Variants in CLPB observed in about 807,000 individuals in gnomAD.
CLPB encodes ClpB family mitochondrial disaggregase, also known as mitochondrial disaggregase.
Under a neutral mutation model 78.4 loss-of-function variants are expected in CLPB, and 40 were observed. The ratio of observed to expected loss-of-function variants is 0.51; its 90% CI spans 0.40 to 0.66. The LOEUF is 0.66. Among genes scored for constraint, CLPB ranks in the 30% least tolerant of loss-of-function variants. The pLI, the probability that CLPB is intolerant of heterozygous loss-of-function variation, is 0.00. For missense variants in CLPB, 780 were observed against 886.9 expected, an observed-to-expected ratio of 0.88 and a Z score of 1.53; for synonymous variants, 333 against 348.0, an observed-to-expected ratio of 0.96 and a Z score of 0.48.
In CLPB at chr11:72,429,514, G is replaced by T. The variant is rs548608918; in HGVS notation, c.455+798C>A. ...GACTTCCTGTCTAACATGCAGACAT[G>T]ATGGCAAGGAAGGGGGGTGTCCTAT... is the stretch of plus-strand genomic sequence containing the variant. On this transcript the variant is annotated intron_variant, in intron 2 of 15. Coordinates refer to ENST00000538039, the MANE Select transcript of CLPB (RefSeq NM_001258392.3). Among the ~76,000 whole-genome samples the T allele has an allele frequency of 2.0e-5, 3 of 152,318 alleles. No individual in the cohort carries two copies. The South Asian group carries it at 6.2e-4, about 32-fold the overall frequency.
intron 7 of CLPB, among the ~76,000 whole-genome samples, chr11:72,315,301 A>G (rs747131470): frequency 2.6e-5 from 4 of 152,150 alleles, no homozygotes; most frequent in Non-Finnish European, 5.9e-5. Flanking sequence ...CTTTCTGAGG[A>G]GCATGGTGGG....
chr11:72,401,463 T>TAAAAGAA lies in CLPB; in HGVS notation c.542+1496_542+1502dup, dbSNP rs577367717. On this transcript the variant is annotated intron_variant, in intron 3 of 15. Coordinates refer to ENST00000538039, the MANE Select transcript of CLPB (RefSeq NM_001258392.3). ...CTCAAAAAAATAAATAAATAAATAG[T>TAAAAGAA]AAAAGAAAAAAGAAAAAAGAATAGG... 1.9e-4 allele frequency among the ~76,000 whole-genome samples: 28 copies of TAAAAGAA among 151,180 alleles called. 1 individual carries two copies. In the South Asian group the frequency reaches 5.4e-3, roughly 29 times the overall value.
chr11:72,360,551 C>T (rs1364561133), intron 4 of CLPB, among the ~76,000 whole-genome samples: 1 of 152,080 alleles, frequency 6.6e-6, no homozygotes, highest in African/African-American at 2.4e-5. Context: ...GTTTCTCTGC[C>T]TTAGCCTCCC....
intron 6 of CLPB, among the ~76,000 whole-genome samples, chr11:72,319,933 GATA>G (rs1950015283): frequency 6.6e-6 from 1 of 152,196 alleles, no homozygotes; most frequent in Non-Finnish European, 1.5e-5. Flanking sequence ...GAATTCCACA[GATA>G]ATAAGAAGAG....
intron 5 of CLPB, chr11:72,351,494 A>T (rs1452750528): frequency 6.6e-6 from 1 of 152,174 alleles, no homozygotes; most frequent in Non-Finnish European, 1.5e-5. Context: ...TTTTATAGCA[A>T]CTAGTCAGAG....
chr11:72,332,541 G>A (rs1254668876), intron 5 of CLPB, among the ~76,000 whole-genome samples: 1 of 151,896 alleles, frequency 6.6e-6, no homozygotes, highest in Non-Finnish European at 1.5e-5. Flanking sequence ...AAAAAGGAAA[G>A]CAAAGGAGGT....
rs138770948 is a variant in CLPB, at chr11:72,366,237, T to C, written c.647-7229A>G. On this transcript the variant is annotated intron_variant, in intron 4 of 15. Coordinates refer to ENST00000538039, the MANE Select transcript of CLPB (RefSeq NM_001258392.3). ...TGTCTTGTTTTGTTTTGTTTTGAGA[T>C]GGAGTCTCATTTTGTCACCCAGGCT... is the stretch of plus-strand genomic sequence containing the variant. 7.2e-5 allele frequency among the ~76,000 whole-genome samples: 11 copies of C among 152,318 alleles called. No individual in the cohort carries two copies. The East Asian group carries it at 2.1e-3, about 29-fold the overall frequency.
At chr11:72,401,110 T>C (rs948038994) in intron 3 of CLPB, among the ~76,000 whole-genome samples, 7 of 152,216 alleles carry the variant, frequency 4.6e-5, no homozygotes, top group African/African-American at 1.2e-4. Context: ...TCTAGGTCTC[T>C]CAACTACGAA....
chr11:72,332,351 TG>T (rs1207255919), intron 5 of CLPB, among the ~76,000 whole-genome samples: 9 of 148,174 alleles, frequency 6.1e-5, no homozygotes, highest in African/African-American at 2.0e-4. Context: ...TAGCCAGGCA[TG>T]GGGGCACATG....
intron 3 of CLPB, among the ~76,000 whole-genome samples, chr11:72,398,112 A>T (rs1335710506): frequency 6.6e-6 from 1 of 152,206 alleles, no homozygotes; most frequent in Non-Finnish European, 1.5e-5. Flanking sequence ...GGAATGGTCA[A>T]CAGTCGTCAC....
chr11:72,425,958 T>A (rs943937589), intron 2 of CLPB, among the ~76,000 whole-genome samples: 1 of 152,072 alleles, frequency 6.6e-6, no homozygotes, highest in African/African-American at 2.4e-5. Context: ...GACCACCCTA[T>A]TGCCACAGTT....
At chr11:72,412,528 T>C (rs539051108) in intron 2 of CLPB, among the ~76,000 whole-genome samples, 2 of 152,180 alleles carry the variant, frequency 1.3e-5, no homozygotes, top group Non-Finnish European at 2.9e-5. Context: ...CACACACAGA[T>C]AGGGAGGCTC....
chr11:72,333,895 C>A (rs970903363), intron 5 of CLPB, among the ~76,000 whole-genome samples: 2 of 152,104 alleles, frequency 1.3e-5, no homozygotes, highest in Non-Finnish European at 2.9e-5. Flanking sequence ...TGCAAAGAAG[C>A]AGTGGAAAGG....
intron 2 of CLPB, among the ~76,000 whole-genome samples, chr11:72,430,002 G>A (rs1364723374): frequency 1.3e-5 from 2 of 152,214 alleles, no homozygotes; most frequent in African/African-American, 2.4e-5. Context: ...CCAAAGAAAT[G>A]AGCACAAATC....
intron 2 of CLPB, among the ~76,000 whole-genome samples, chr11:72,423,126 ACAGGACAC>A (rs964432401): frequency 6.6e-6 from 1 of 152,218 alleles, no homozygotes; most frequent in African/African-American, 2.4e-5. Flanking sequence ...AGAAATCAAA[ACAGGACAC>A]CAAAAGAATC....
chr11:72,346,865 C>T (rs2135581313), intron 5 of CLPB, among the ~76,000 whole-genome samples: 1 of 151,736 alleles, frequency 6.6e-6, no homozygotes, highest in Non-Finnish European at 1.5e-5. Flanking sequence ...CCTGTAATCC[C>T]AGCTACTCAG....
intron 3 of CLPB, among the ~76,000 whole-genome samples, chr11:72,400,247 A>G (rs113153916): frequency 0.062 from 9,372 of 152,246 alleles, 372 homozygotes; most frequent in African/African-American, 0.11. Context: ...CTGCGATATG[A>G]ATACATAAAT....
chr11:72,383,330 C>T (rs923806472), intron 3 of CLPB, among the ~76,000 whole-genome samples: 10 of 151,824 alleles, frequency 6.6e-5, no homozygotes, highest in Admixed American at 5.9e-4. Context: ...CGAGACCATC[C>T]TGGCTAACAC....
chr11:72,292,488 G>A lies in CLPB; in HGVS notation c.*879C>T, dbSNP rs1390087799. The A allele has an allele frequency of 6.6e-6, 1 of 152,306 alleles. No homozygotes were observed. The highest frequency in any genetic ancestry group is 1.5e-5 in the Non-Finnish European group (1 of 68,110). The allele number at this position is 152,306 out of a possible 1,614,324, so 9.4% of individuals were successfully genotyped here. A position where few individuals can be genotyped will look rare whatever the true frequency, so the allele number is the denominator to read the frequency against. On this transcript the variant is annotated 3_prime_UTR_variant, in exon 16 of 16. Transcript: ENST00000538039. ...ATTCCAGGCTCGTTTAGCTGGACGA[G>A]CAGTACAGACAGGGCTGAGGCTGAC...
Sources: gnomAD v4.1 joint callset for allele counts (sites outside exome capture counted in the v4.1 genomes callset) on GRCh38, gnomAD v4.1.1 for gene constraint, MANE v1.5 for transcripts, NCBI Gene and HGNC (gene_info 2026-07-23, HGNC 2026-07-21) for gene names.